Variants in SPAG5 observed in about 807,000 individuals in gnomAD.
The protein encoded by SPAG5 is sperm-associated antigen 5.
SPAG5 carries 99 observed loss-of-function variants against 145.4 expected under a neutral mutation model. The ratio of observed to expected loss-of-function variants is 0.68; its 90% CI spans 0.58 to 0.80. The LOEUF (loss-of-function observed/expected upper bound fraction) is 0.80, where lower values mean the gene tolerates loss of function less well. Ranked by LOEUF, SPAG5 falls within the 30% of genes least tolerant of loss-of-function variation. The pLI is 0.00. For missense variants in SPAG5, 1,192 were observed against 1,416.0 expected (o/e 0.84, Z 2.54); for synonymous variants, 477 against 525.4 (o/e 0.91, Z 1.26).
intron 2 of SPAG5, among the ~76,000 whole-genome samples, chr17:28,596,501 C>G (rs2070666167): frequency 6.6e-6 from 1 of 151,212 alleles, no homozygotes; most frequent in Admixed American, 6.6e-5. Flanking sequence ...AACCCCGTCT[C>G]TATTAAAAAT....
At position 28,583,846 on chromosome 17, in the gene SPAG5, A is replaced by G. The variant is rs1567623901; in HGVS notation, c.2546+7T>C. ...TAGGGGGAAGTACAGAAAGTTAGAG[A>G]ACTTACGTTAGGTTCTCTACAGTGT... On this transcript the variant is annotated splice_region_variant and intron_variant, in intron 14 of 23. Coordinates refer to ENST00000321765, the MANE Select transcript of SPAG5 (RefSeq NM_006461.4). 1.2e-6 allele frequency: 2 copies of G among 1,602,514 alleles called. No homozygotes were observed. The highest frequency in any genetic ancestry group is 1.7e-6 in the Non-Finnish European group (2 of 1,171,714).
At chr17:28,581,025 G>A (rs2070546221) in intron 15 of SPAG5, among the ~76,000 whole-genome samples, 1 of 152,172 alleles carries the variant, frequency 6.6e-6, no homozygotes, top group African/African-American at 2.4e-5. Flanking sequence ...TCAAAAGTCT[G>A]TTCCTACTCC....
intron 15 of SPAG5, 25 bp from the exon 16 acceptor site, chr17:28,580,145 C>G (rs974338489): frequency 2.8e-5 from 44 of 1,561,240 alleles, no homozygotes; most frequent in Non-Finnish European, 3.5e-5. Flanking sequence ...GAAAAAATAG[C>G]TGCTGTTCAG....
chr17:28,585,397 G>C lies in SPAG5; in HGVS notation c.1875C>G (p.Ala625=), dbSNP rs2070577785. Residue 625 remains alanine (A), a synonymous_variant, in exon 9 of 24, where the codon GCC becomes GCG. Transcript: ENST00000321765. ...TCTGCTGAACCAGCTCTTCTTGCTT[G>C]GCATGAAGCCCTACCTACAAAAGAA... ...DAQTQLVGLH[A]KQEELVQQTV... The C allele has an allele frequency of 6.2e-7, 1 of 1,614,036 alleles. No homozygotes were observed. The highest frequency in any genetic ancestry group is 1.3e-5 in the African/African-American group (1 of 74,930).
intron 6 of SPAG5, 41 bp from the exon 7 acceptor site, chr17:28,586,039 A>G: frequency 6.2e-7 from 1 of 1,614,068 alleles, no homozygotes; most frequent in Non-Finnish European, 8.5e-7. Flanking sequence ...GTTCCTCTTT[A>G]TGGCTTTTAG....
chr17:28,577,830 G>T, intron 23 of SPAG5, 60 bp from the exon 24 acceptor site: 1 of 1,419,788 alleles, frequency 7.0e-7, no homozygotes, highest in Non-Finnish European at 9.9e-7. Context: ...AGGGCTCCCA[G>T]CCCCAGGAGG....
chr17:28,594,208 C>T (rs916858038), intron 2 of SPAG5, among the ~76,000 whole-genome samples: 1 of 152,142 alleles, frequency 6.6e-6, no homozygotes, highest in Admixed American at 6.6e-5. Flanking sequence ...AGAAAAGATA[C>T]ATGCTAGACA....
At chr17:28,598,257 T>C (rs779712113) in intron 2 of SPAG5, among the ~76,000 whole-genome samples, 40 of 152,142 alleles carry the variant, frequency 2.6e-4, no homozygotes, top group Non-Finnish European at 4.9e-4. Flanking sequence ...GATTTCTCAA[T>C]AGTTTGATAA....
chr17:28,586,865 C>CAGCA (rs2070588549), intron 4 of SPAG5, among the ~76,000 whole-genome samples: 1 of 152,102 alleles, frequency 6.6e-6, no homozygotes, highest in Non-Finnish European at 1.5e-5. Flanking sequence ...CATGTACCAC[C>CAGCA]AGCACCTCAT....
In SPAG5 at chr17:28,592,143, C is replaced by T. The variant is rs201237948; in HGVS notation, c.1101G>A (p.Ser367=). The T allele has an allele frequency of 4.0e-5, 65 of 1,614,052 alleles. No individual in the cohort carries two copies. Among genetic ancestry groups the T allele is most frequent in the African/African-American group, 5.3e-5 (4 of 74,998 alleles). ...TGCCAATTGCAGCATCCCGAAGCAT[C>T]GAGGGAAGGGATAAGCTTTGGCGGA... ...ENLRQSLSLP[S]MLRDAAIGTT... The change falls in exon 3 of 24, where the codon TCG becomes TCA. Residue 367 remains serine (S), a synonymous_variant. Transcript: ENST00000321765.
At position 28,577,676 on chromosome 17, in the gene SPAG5, A is replaced by G. The variant is rs2070514399; in HGVS notation, c.*23T>C. ...GGGTATTGCAGGTAAAAAGAGGTGA[A>G]GCAGATTCTGGCTTTCAGTTTCTTA... On this transcript the variant is annotated 3_prime_UTR_variant, in exon 24 of 24. Transcript: ENST00000321765. The G allele has an allele frequency of 1.3e-6, 2 of 1,590,924 alleles. No individual in the cohort carries two copies. Among genetic ancestry groups the G allele is most frequent in the Admixed American group, 1.7e-5 (1 of 59,962 alleles).
chr17:28,585,161 T>C lies in SPAG5; in HGVS notation c.2008A>G (p.Thr670Ala). 1 of 1,614,214 alleles carries C rather than the reference T, an allele frequency of 6.2e-7. No individual in the cohort carries two copies. Among genetic ancestry groups the C allele is most frequent in the East Asian group, 2.2e-5 (1 of 44,888 alleles). The change falls in exon 10 of 24, where the codon ACA becomes GCA. Residue 670 changes from threonine to alanine, a missense_variant. Thr to Ala is a moderately conservative substitution (Grantham distance 58, BLOSUM62 0). This residue lies in a region of SPAG5 where 709 missense variants were observed against 840.7 expected (regional missense o/e 0.84). Coordinates refer to ENST00000321765, the MANE Select transcript of SPAG5 (RefSeq NM_006461.4). ...SRSRQLTEKLTVKSQQALQER... is the reference protein window; with the variant it reads ...SRSRQLTEKLAVKSQQALQER... Reference sequence around the variant, plus strand: ...TGCAGGGCTTGCTGGCTCTTGACTGTGAGTTTCTCTGTGAGTTGTCGGGAC... The same window carrying C: ...TGCAGGGCTTGCTGGCTCTTGACTGCGAGTTTCTCTGTGAGTTGTCGGGAC...
chr17:28,578,532 G>A lies in SPAG5; in HGVS notation c.3199-4C>T, dbSNP rs1254426907. On this transcript the variant is annotated splice_region_variant and splice_polypyrimidine_tract_variant and intron_variant, in intron 20 of 23. Coordinates refer to ENST00000321765, the MANE Select transcript of SPAG5 (RefSeq NM_006461.4). ...GGGTCACCTCCTCTCTAAGGCTCTG[G>A]GAATGAGAATGGAGAGGTGTCCAAT... The A allele has an allele frequency of 1.2e-6, 2 of 1,609,928 alleles. No homozygotes were observed. Among genetic ancestry groups the A allele is most frequent in the South Asian group, 1.1e-5 (1 of 91,074 alleles).
At chr17:28,583,425 G>T in intron 15 of SPAG5, 86 bp downstream of exon 15, 2 of 1,418,692 alleles carry the variant, frequency 1.4e-6, no homozygotes, top group Non-Finnish European at 1.9e-6. Flanking sequence ...AAAGGTCACA[G>T]TTAGAAAAAG....
rs1597596358 is a variant in SPAG5, at chr17:28,586,571, A to G, written c.1438-72T>C. ...TTTTGAGACAGAGTCTTGCTCTATCATCCAGACTGGAGTGCAGTGGCACAA... is the reference window on the plus strand; with the variant it reads ...TTTTGAGACAGAGTCTTGCTCTATCGTCCAGACTGGAGTGCAGTGGCACAA... On this transcript the variant is annotated intron_variant, in intron 4 of 23. Coordinates refer to ENST00000321765, the MANE Select transcript of SPAG5 (RefSeq NM_006461.4). 3.1e-6 allele frequency: 4 copies of G among 1,292,578 alleles called. No individual in the cohort carries two copies. The African/African-American group carries it at 5.8e-5, about 19-fold the overall frequency. 80.1% of individuals were successfully genotyped at this position (1,292,578 alleles called of 1,614,324 possible).
intron 2 of SPAG5, among the ~76,000 whole-genome samples, chr17:28,594,258 T>G (rs2070644057): frequency 6.6e-6 from 1 of 152,140 alleles, no homozygotes; most frequent in Non-Finnish European, 1.5e-5. Context: ...AAGAAAAAAC[T>G]ATTCTGGAAG....
intron 4 of SPAG5, among the ~76,000 whole-genome samples, chr17:28,588,869 A>G: frequency 6.6e-6 from 1 of 151,824 alleles, no homozygotes; most frequent in South Asian, 2.1e-4. Context: ...TTTAATAGAG[A>G]TGGGGTTTCA....
chr17:28,583,351 G>C (rs2070560627), intron 15 of SPAG5, among the ~76,000 whole-genome samples, 160 bp downstream of exon 15: 1 of 152,194 alleles, frequency 6.6e-6, no homozygotes, highest in Admixed American at 6.5e-5. Context: ...TAGGGAGATA[G>C]GAGACAGGGG....
Position 28,584,186 on chromosome 17 carries a change from C to T in SPAG5, c.2376G>A (p.Leu792=), listed in dbSNP as rs117510770. 0.014 allele frequency: 22,127 copies of T among 1,614,070 alleles called. 195 individuals are homozygous for T. The highest frequency in any genetic ancestry group is 0.04 in the Middle Eastern group (245 of 6,062). The change falls in exon 13 of 24, where the codon CTG becomes CTA. Residue 792 remains leucine (L), a synonymous_variant. Coordinates refer to ENST00000321765, the MANE Select transcript of SPAG5 (RefSeq NM_006461.4). ...CTTTCAGGTCCCGCACCTCTTTGGC[C>T]AGGACAGCTTGTTGCTGCTGCAGTT... is the stretch of plus-strand genomic sequence containing the variant. ...QAELQQQQAV[L]AKEVRDLKET... is the part of the protein sequence containing the mutation.
Sources: gnomAD v4.1 joint callset for allele counts (sites outside exome capture counted in the v4.1 genomes callset) on GRCh38, gnomAD v4.1.1 for gene constraint, gnomAD v4.1.1 regional missense constraint, MANE v1.5 for transcripts, NCBI Gene and HGNC (gene_info 2026-07-23, HGNC 2026-07-21) for gene names.